SIRT1: variants seen among roughly 807,000 people sequenced by gnomAD.
The protein encoded by SIRT1 is sirtuin 1.
SIRT1 carries 24 observed loss-of-function variants against 67.9 expected under a neutral mutation model. That is an observed-to-expected ratio of 0.35 (90% confidence interval 0.26 to 0.50). SIRT1 has a LOEUF of 0.50. Among genes scored for constraint, SIRT1 ranks in the 20% least tolerant of loss-of-function variants. The pLI, the probability that SIRT1 is intolerant of heterozygous loss-of-function variation, is 0.98. For synonymous variants in SIRT1, 378 were observed against 350.7 expected (o/e 1.08, Z -0.87); for missense variants, 873 against 937.2 (o/e 0.93, Z 0.89).
intron 1 of SIRT1, among the ~76,000 whole-genome samples, chr10:67,886,994 C>A (rs571959897): frequency 6.6e-6 from 1 of 151,960 alleles, no homozygotes; most frequent in Non-Finnish European, 1.5e-5. Flanking sequence ...GCCTCAGCCT[C>A]CTGAGTAGTT....
intron 4 of SIRT1, among the ~76,000 whole-genome samples, chr10:67,904,568 G>A (rs1256180589): frequency 4.6e-5 from 7 of 152,016 alleles, no homozygotes; most frequent in African/African-American, 1.2e-4. Context: ...ACGCTTGGCC[G>A]GGTGCAGTGG....
intron 4 of SIRT1, among the ~76,000 whole-genome samples, chr10:67,901,686 T>C (rs1842747341): frequency 6.6e-6 from 1 of 152,268 alleles, no homozygotes. Flanking sequence ...AAGTGGCGAC[T>C]GGCAGTTTAA....
In SIRT1 at chr10:67,911,798, T is replaced by TCCTC. The variant is rs1381121680; in HGVS notation, c.1358-663_1358-660dup. ...TCCCACCCTCCCTCCCTCCCTCCTA[T>TCCTC]CCTCCCTCCCTCCCTCATTGCCCAG... is the stretch of plus-strand genomic sequence containing the variant. On this transcript the variant is annotated intron_variant, in intron 7 of 8. Coordinates refer to ENST00000212015, the MANE Select transcript of SIRT1 (RefSeq NM_012238.5). Among the ~76,000 whole-genome samples the TCCTC allele has an allele frequency of 1.4e-4, 13 of 95,700 alleles. 1 individual carries two copies. Among genetic ancestry groups the TCCTC allele is most frequent in the African/African-American group, 5.8e-4 (11 of 18,832 alleles). 62.8% of individuals were successfully genotyped at this position (95,700 alleles called of 152,430 possible). A position where few individuals can be genotyped will look rare whatever the true frequency, so the allele number is the denominator to read the frequency against.
chr10:67,890,882 C>T (rs750290871), intron 3 of SIRT1, among the ~76,000 whole-genome samples: 5 of 151,114 alleles, frequency 3.3e-5, no homozygotes, highest in African/African-American at 7.3e-5. Flanking sequence ...TACAAAAAAT[C>T]AGCCGGTCGC....
chr10:67,911,698 G>A (rs923671172), intron 7 of SIRT1, among the ~76,000 whole-genome samples: 11 of 122,310 alleles, frequency 9.0e-5, no homozygotes, highest in African/African-American at 3.2e-4. Flanking sequence ...CATCCTTCCC[G>A]TCCGTTCTTC....
chr10:67,915,050 G>A (rs1056213847), intron 8 of SIRT1, among the ~76,000 whole-genome samples: 3 of 152,120 alleles, frequency 2.0e-5, no homozygotes, highest in East Asian at 1.9e-4. Context: ...AAACTCATGA[G>A]TACTATGTGT....
In SIRT1 at chr10:67,908,092, C is replaced by T. The variant is rs2131882339; in HGVS notation, c.1137C>T (p.Asp379=). The part of the protein sequence containing the change: ...ASCLICKYKV[D]CEAVRGDIFN... The stretch of plus-strand genomic sequence containing the variant: ...GCCTGATTTGTAAATACAAAGTTGA[C>T]TGTGAAGCTGTACGAGGAGATATTT... Residue 379 remains aspartate, a synonymous_variant, in exon 6 of 9, where the codon GAC becomes GAT. Transcript: ENST00000212015. 6.2e-7 allele frequency: 1 copy of T among 1,613,546 alleles called. No individual in the cohort carries two copies. The highest frequency in any genetic ancestry group is 8.5e-7 in the Non-Finnish European group (1 of 1,179,746).
chr10:67,892,528 G>T (rs989171214), intron 4 of SIRT1, among the ~76,000 whole-genome samples: 16 of 152,172 alleles, frequency 1.1e-4, no homozygotes, highest in African/African-American at 3.1e-4. Context: ...ACCATGATCT[G>T]CCATTGCACT....
intron 8 of SIRT1, 53 bp from the exon 9 acceptor site, chr10:67,916,212 G>T: frequency 6.7e-7 from 1 of 1,483,042 alleles, no homozygotes; most frequent in South Asian, 1.3e-5. Flanking sequence ...AGACTGCTCA[G>T]ACTGAGTTAG....
intron 4 of SIRT1, among the ~76,000 whole-genome samples, chr10:67,899,999 G>A (rs888567897): frequency 2.0e-4 from 31 of 152,140 alleles, no homozygotes; most frequent in African/African-American, 6.3e-4. Flanking sequence ...GAGGAGAATC[G>A]CTTGAACTCG....
At position 67,895,741 on chromosome 10, in the gene SIRT1, T is replaced by G. The variant is rs897502111; in HGVS notation, c.942+4187T>G. ...TTATTGAGAATTAACTTGTTTTTTT[T>G]TTTTTTGTTTTTTTTTTTTGAGACA... On this transcript the variant is annotated intron_variant, in intron 4 of 8. Coordinates refer to ENST00000212015, the MANE Select transcript of SIRT1 (RefSeq NM_012238.5). Among the ~76,000 whole-genome samples the G allele has an allele frequency of 8.7e-5, 8 of 91,960 alleles. 1 individual carries two copies. The highest frequency in any genetic ancestry group is 3.6e-4 in the South Asian group (1 of 2,764). 60.3% of individuals were successfully genotyped at this position (91,960 alleles called of 152,430 possible).
chr10:67,885,343 CTCTTTTCCTCCG>C, intron 1 of SIRT1, 192 bp downstream of exon 1: 1 of 1,237,040 alleles, frequency 8.1e-7, no homozygotes, highest in African/African-American at 1.5e-5. Context: ...AGTGGATTCG[CTCTTTTCCTCCG>C]TCCGTGGCCC....
chr10:67,905,217 C>T (rs1185137611), intron 4 of SIRT1, among the ~76,000 whole-genome samples: 1 of 152,174 alleles, frequency 6.6e-6, no homozygotes, highest in African/African-American at 2.4e-5. Context: ...ATGAGACATA[C>T]AATGCTTAAT....
At chr10:67,893,761 T>C (rs913838952) in intron 4 of SIRT1, among the ~76,000 whole-genome samples, 1 of 152,118 alleles carries the variant, frequency 6.6e-6, no homozygotes, top group African/African-American at 2.4e-5. Flanking sequence ...GCCAGGTTGG[T>C]CTTGAACTCC....
rs34932755 is a variant in SIRT1, at chr10:67,906,385, CT to C, written c.943-395del. On this transcript the variant is annotated intron_variant, in intron 4 of 8. Transcript: ENST00000212015. ...TTTAAATATTCTTGTATTGACAGTG[CT>C]TTTTTTTTTAAATCACCCTACCTTG... 39,118 of 1,103,472 alleles carry C rather than the reference CT, an allele frequency of 0.035. 3,122 individuals carry two copies. The East Asian group carries it at 0.41, about 12-fold the overall frequency. 68.4% of individuals were successfully genotyped at this position (1,103,472 alleles called of 1,614,324 possible). A position where few individuals can be genotyped will look rare whatever the true frequency, so the allele number is the denominator to read the frequency against.
intron 4 of SIRT1, among the ~76,000 whole-genome samples, chr10:67,904,187 T>TA (rs1450736601): frequency 6.7e-6 from 1 of 149,866 alleles, no homozygotes; most frequent in Non-Finnish European, 1.5e-5. Context: ...AGAGCAGTGA[T>TA]ACGATCATAG....
chr10:67,897,948 CTTTT>C (rs1193148620), intron 4 of SIRT1, among the ~76,000 whole-genome samples: 2 of 108,918 alleles, frequency 1.8e-5, no homozygotes, highest in Admixed American at 2.1e-4. Flanking sequence ...TATAAAATAA[CTTTT>C]TTTTTTTTTT....
chr10:67,895,659 T>A (rs1452890867), intron 4 of SIRT1, among the ~76,000 whole-genome samples: 1 of 147,062 alleles, frequency 6.8e-6, no homozygotes, highest in South Asian at 2.1e-4. Flanking sequence ...AGAGAGACTT[T>A]CTTTTTTTTT....
At chr10:67,887,124 G>A (rs1025917178) in intron 1 of SIRT1, among the ~76,000 whole-genome samples, 3 of 152,020 alleles carry the variant, frequency 2.0e-5, no homozygotes, top group Non-Finnish European at 4.4e-5. Context: ...CGCCTGCCTC[G>A]GCCTCCCAAA....
Sources: allele counts gnomAD v4.1 joint callset (sites outside exome capture counted in the v4.1 genomes callset), GRCh38; gene constraint gnomAD v4.1.1; transcripts MANE v1.5; gene names NCBI Gene and HGNC (gene_info 2026-07-23, HGNC 2026-07-21).